MIB1: variants seen among roughly 807,000 people sequenced by gnomAD.
The protein encoded by MIB1 is MIB E3 ubiquitin protein ligase 1, also known as E3 ubiquitin-protein ligase MIB1.
In MIB1, 278 loss-of-function variants were observed where a neutral mutation model predicts 124.5. The ratio of observed to expected loss-of-function variants is 2.23; its 90% CI spans 2.02 to 2.47. The LOEUF (loss-of-function observed/expected upper bound fraction) is 2.47. Ranked by LOEUF, MIB1 falls within the 30% of genes most tolerant of loss-of-function variation. The pLI is 0.00. For synonymous variants in MIB1, 446 were observed against 429.4 expected, an observed-to-expected ratio of 1.04 and a Z score of -0.48; for missense variants, 957 against 1,254.4, an observed-to-expected ratio of 0.76 and a Z score of 3.58.
At chr18:21,781,754 T>C (rs961861296) in intron 6 of MIB1, among the ~76,000 whole-genome samples, 2 of 152,072 alleles carry the variant, frequency 1.3e-5, no homozygotes, top group Non-Finnish European at 2.9e-5. Flanking sequence ...GTAGGTTGTT[T>C]ATGTCCAATA....
chr18:21,836,298 G>A (rs536848040), intron 12 of MIB1, among the ~76,000 whole-genome samples: 314 of 148,816 alleles, frequency 2.1e-3, no homozygotes, highest in Admixed American at 4.4e-3. Flanking sequence ...TTTTGAGATG[G>A]AGTCTCGCTC....
chr18:21,765,943 G>C lies in MIB1; in HGVS notation c.401G>C (p.Arg134Thr). ...CGAATTACTACACCGGGAAGTGAGA[G>C]GTAGGGAGAACCCTTTTCTTCTTCA... Reference protein sequence around the residue: ...FYRITTPGSERVLLESRRKSK... With the variant: ...FYRITTPGSETVLLESRRKSK... Residue 134 changes from arginine (R) to threonine (T), a missense_variant and splice_region_variant, in exon 2 of 21, where the codon AGG becomes ACG. By Grantham distance (71) the Arg-to-Thr change is moderately conservative. Transcript: ENST00000261537. The C allele has an allele frequency of 3.1e-6, 5 of 1,613,706 alleles. No homozygotes were observed. The highest frequency in any genetic ancestry group is 4.2e-6 in the Non-Finnish European group (5 of 1,179,704).
chr18:21,816,895 G>T (rs2041834569), intron 11 of MIB1, among the ~76,000 whole-genome samples: 1 of 152,034 alleles, frequency 6.6e-6, no homozygotes, highest in Non-Finnish European at 1.5e-5. Flanking sequence ...AAGAATTGGG[G>T]GGGTGTTAAT....
intron 10 of MIB1, among the ~76,000 whole-genome samples, chr18:21,807,548 C>G (rs74408419): frequency 6.6e-6 from 1 of 152,246 alleles, no homozygotes; most frequent in African/African-American, 2.4e-5. Context: ...TACATTGGTT[C>G]TCAGCTGGGG....
Position 21,709,170 on chromosome 18 carries a change from T to C in MIB1, n.167+4047T>C, listed in dbSNP as rs188498904. On this transcript the variant is annotated intron_variant and non_coding_transcript_variant, in intron 1 of 20. Transcript: ENST00000578646. ...TCTCTGCTAAAAATACAAAAAAAAT[T>C]AGCTGGGTGCAGTGGCGGGTGCCTG... Among the ~76,000 whole-genome samples the C allele has an allele frequency of 5.9e-5, 9 of 152,072 alleles. No individual in the cohort carries two copies. The East Asian group carries it at 1.4e-3, about 23-fold the overall frequency.
chr18:21,793,231 C>G (rs910671395), intron 7 of MIB1, among the ~76,000 whole-genome samples: 1 of 152,152 alleles, frequency 6.6e-6, no homozygotes, highest in Non-Finnish European at 1.5e-5. Flanking sequence ...GAAAATAGGT[C>G]CATGCTAAAG....
At chr18:21,714,610 G>T (rs1188388523) in intron 1 of MIB1, among the ~76,000 whole-genome samples, 3 of 152,084 alleles carry the variant, frequency 2.0e-5, no homozygotes, top group Admixed American at 2.0e-4. Context: ...AATCTGGGTT[G>T]GCCTTGTGAT....
chr18:21,771,998 ATTTAC>A (rs2146415277), intron 3 of MIB1, among the ~76,000 whole-genome samples: 1 of 152,228 alleles, frequency 6.6e-6, no homozygotes, highest in African/African-American at 2.4e-5. Context: ...AAAAAAAAAA[ATTTAC>A]ATATGCTGTA....
At chr18:21,825,936 T>C (rs2146486147) in intron 12 of MIB1, 2 of 333,814 alleles carry the variant, frequency 6.0e-6, no homozygotes, top group Non-Finnish European at 1.2e-5. Context: ...TCCTACTGTT[T>C]TCCTGCGCTT....
In MIB1 at chr18:21,868,196, A is replaced by G. The variant is rs1041150751; in HGVS notation, c.*3530A>G. ...AATACAGTTCAGCCATGTGAAGTAC[A>G]TTTACACTGTTGTGAAGCAGATCTC... On this transcript the variant is annotated 3_prime_UTR_variant, in exon 21 of 21. Transcript: ENST00000261537. 6.6e-6 allele frequency: 1 copy of G among 152,062 alleles called. No individual in the cohort carries two copies. Among genetic ancestry groups the G allele is most frequent in the Non-Finnish European group, 1.5e-5 (1 of 67,916 alleles). The allele number at this position is 152,062 out of a possible 1,614,324, so 9.4% of individuals were successfully genotyped here.
Position 21,846,930 on chromosome 18 carries a change from T to C in MIB1, c.2212-14T>C. 6.2e-7 allele frequency: 1 copy of C among 1,611,506 alleles called. No individual in the cohort carries two copies. The highest frequency in any genetic ancestry group is 1.3e-5 in the African/African-American group (1 of 74,944). On this transcript the variant is annotated splice_polypyrimidine_tract_variant and intron_variant, in intron 15 of 20. Transcript: ENST00000261537. ...TTCCTAGAGGGAAAATCATGACTCT[T>C]TATTTTATTGCAGTTAATAATGGGA...
intron 1 of MIB1, among the ~76,000 whole-genome samples, chr18:21,715,337 C>G (rs914736685): frequency 6.6e-6 from 1 of 152,144 alleles, no homozygotes; most frequent in African/African-American, 2.4e-5. Flanking sequence ...AAGGGAACAC[C>G]CTGTGGGACA....
intron 6 of MIB1, among the ~76,000 whole-genome samples, chr18:21,784,794 C>T (rs1427787988): frequency 6.6e-6 from 1 of 152,082 alleles, no homozygotes; most frequent in Middle Eastern, 3.2e-3. Context: ...GCACCTGTTA[C>T]TTAGCAGACC....
chr18:21,849,249 T>TAG lies in MIB1; in HGVS notation c.2449_2450dup (p.Glu818LysfsTer9). 1 of 1,610,604 alleles carries TAG rather than the reference T, an allele frequency of 6.2e-7. No homozygotes were observed. On this transcript the variant is annotated frameshift_variant, in exon 17 of 21. Coordinates refer to ENST00000261537, the MANE Select transcript of MIB1 (RefSeq NM_020774.4). LOFTEE classifies it high-confidence loss of function. ...ATGATTAGTAATGATTCTGAAACCT[T>TAG]AGAAGAGTGTATGGTGTGCTCAGAT... is the stretch of plus-strand genomic sequence containing the variant.
intron 9 of MIB1, chr18:21,803,683 C>G (rs570190825): frequency 1.2e-4 from 43 of 370,592 alleles, no homozygotes; most frequent in Non-Finnish European, 1.8e-4. Context: ...ACAGTTATTT[C>G]GTAACTCTTT....
In MIB1 at chr18:21,725,565, T is replaced by A. The variant is rs560828305; in HGVS notation, n.167+20442T>A. On this transcript the variant is annotated intron_variant and non_coding_transcript_variant, in intron 1 of 20. Coordinates refer to the MIB1 transcript ENST00000578646. ...TTTGACAGCCAAGTCGTATCCATAA[T>A]AGGAGATAAGTTACCTTCCTCTAAG... Among the ~76,000 whole-genome samples the A allele has an allele frequency of 2.0e-5, 3 of 152,358 alleles. No individual in the cohort carries two copies. In the East Asian group the frequency reaches 5.8e-4, roughly 29 times the overall value.
Position 21,779,633 on chromosome 18 carries a change from T to C in MIB1, c.856T>C (p.Cys286Arg), listed in dbSNP as rs1401551275. The C allele has an allele frequency of 6.2e-7, 1 of 1,614,032 alleles. No homozygotes were observed. ...FETLTTTGTV[C>R]GIDEDHDIVV... is the part of the protein sequence containing the mutation. ...GACTTTAACTACAACTGGAACTGTT[T>C]GTGGCATTGATGAAGATCATGACAT... Residue 286 changes from cysteine (C) to arginine (R), a missense_variant, in exon 6 of 21, where the codon TGT becomes CGT. Cys to Arg is a radical substitution (Grantham distance 180, BLOSUM62 -3). Transcript: ENST00000261537.
In MIB1 at chr18:21,782,906, A is replaced by G. The variant is rs531266085; in HGVS notation, c.908+3221A>G. ...CCTACTGTTAAAGATATTGCAGTGT[A>G]TCTTTCCCTTTAGATCTATTGATGT... On this transcript the variant is annotated intron_variant, in intron 6 of 20. Coordinates refer to ENST00000261537, the MANE Select transcript of MIB1 (RefSeq NM_020774.4). Among the ~76,000 whole-genome samples the G allele has an allele frequency of 2.6e-5, 4 of 152,268 alleles. No homozygotes were observed. In the East Asian group the frequency reaches 7.7e-4, roughly 29 times the overall value.
At chr18:21,821,990 G>A (rs2041883419) in intron 12 of MIB1, among the ~76,000 whole-genome samples, 1 of 152,018 alleles carries the variant, frequency 6.6e-6, no homozygotes, top group African/African-American at 2.4e-5. Context: ...TACATTGTGG[G>A]CATTCATATT....
Sources: allele counts gnomAD v4.1 joint callset (sites outside exome capture counted in the v4.1 genomes callset), GRCh38; gene constraint gnomAD v4.1.1; transcripts MANE v1.5; gene names NCBI Gene and HGNC (gene_info 2026-07-23, HGNC 2026-07-21).